B3GALT1: variants seen among roughly 807,000 people sequenced by gnomAD.
B3GALT1 encodes the protein UDP-Gal:betaGlcNAc beta 1,3-galactosyltransferase, polypeptide 1.
A neutral mutation model predicts 23.2 loss-of-function variants in B3GALT1; 10 were observed. That is an observed-to-expected ratio of 0.43 (90% CI 0.27 to 0.73). B3GALT1 has a LOEUF of 0.73. Among genes scored for constraint, B3GALT1 ranks in the 30% least tolerant of loss-of-function variants. The probability of loss-of-function intolerance (pLI) is 0.21; values close to 1 mark genes in which losing one functional copy is unlikely to be tolerated. For synonymous variants in B3GALT1, 156 were observed against 141.5 expected (o/e 1.10, Z -0.73); for missense variants, 299 against 405.4 (o/e 0.74, Z 2.25).
At chr2:167,563,906 C>T (rs1156549643) in intron 2 of B3GALT1, among the ~76,000 whole-genome samples, 13 of 68,480 alleles carry the variant, frequency 1.9e-4, no homozygotes, top group South Asian at 1.1e-3. Flanking sequence ...CGGGCGGGGC[C>T]GATCCCCCCA....
intron 1 of B3GALT1, among the ~76,000 whole-genome samples, chr2:167,392,967 G>A (rs984159671): frequency 6.6e-6 from 1 of 152,142 alleles, no homozygotes; most frequent in African/African-American, 2.4e-5. Flanking sequence ...GGGCGCAGTG[G>A]CTCACACCTG....
intron 1 of B3GALT1, among the ~76,000 whole-genome samples, chr2:167,421,119 TTGTC>T (rs1235266898): frequency 3.3e-5 from 5 of 152,328 alleles, no homozygotes; most frequent in Admixed American, 2.6e-4. Flanking sequence ...AAGATACTAA[TTGTC>T]TGGTATTTCA....
At chr2:167,737,466 C>G (rs1183618876) in intron 3 of B3GALT1, among the ~76,000 whole-genome samples, 1 of 152,202 alleles carries the variant, frequency 6.6e-6, no homozygotes, top group Non-Finnish European at 1.5e-5. Context: ...GTATTGTTTT[C>G]AGTTCTGGAT....
intron 3 of B3GALT1, among the ~76,000 whole-genome samples, chr2:167,806,576 T>G (rs4667982): frequency 7.9e-5 from 12 of 151,960 alleles, no homozygotes; most frequent in Admixed American, 6.6e-4. Flanking sequence ...TTGAGATAAT[T>G]GTAGTTTTTG....
At chr2:167,348,125 A>C (rs1697253750) in intron 1 of B3GALT1, among the ~76,000 whole-genome samples, 1 of 152,308 alleles carries the variant, frequency 6.6e-6, no homozygotes, top group South Asian at 2.1e-4. Flanking sequence ...ATAAACCCAA[A>C]TTGTGCATAG....
intron 1 of B3GALT1, among the ~76,000 whole-genome samples, chr2:167,398,028 A>G (rs533686027): frequency 2.6e-5 from 4 of 152,160 alleles, no homozygotes; most frequent in African/African-American, 4.8e-5. Flanking sequence ...GGAGCAATTA[A>G]TCTTTGTTAC....
chr2:167,773,459 A>T (rs1480072932), intron 3 of B3GALT1, among the ~76,000 whole-genome samples: 1 of 152,204 alleles, frequency 6.6e-6, no homozygotes, highest in East Asian at 1.9e-4. Flanking sequence ...TGCATAAAAG[A>T]TTCATAAAAT....
chr2:167,435,698 T>C (rs1455597512), intron 1 of B3GALT1, among the ~76,000 whole-genome samples: 2 of 152,128 alleles, frequency 1.3e-5, no homozygotes, highest in African/African-American at 2.4e-5. Context: ...AATGTTTCCA[T>C]GGGTTAAATT....
chr2:167,576,826 C>T (rs530899261), intron 2 of B3GALT1, among the ~76,000 whole-genome samples: 9 of 151,714 alleles, frequency 5.9e-5, no homozygotes, highest in African/African-American at 1.9e-4. Flanking sequence ...GAAATTAATG[C>T]GACTCTCACC....
intron 3 of B3GALT1, among the ~76,000 whole-genome samples, chr2:167,754,924 T>C (rs1687793359): frequency 6.6e-6 from 1 of 152,216 alleles, no homozygotes; most frequent in South Asian, 2.1e-4. Context: ...TAGTCAACAG[T>C]TTATCCAGAT....
chr2:167,818,485 G>A (rs1278993185), intron 3 of B3GALT1, among the ~76,000 whole-genome samples, 187 bp from the exon 4 acceptor site: 1 of 146,978 alleles, frequency 6.8e-6, no homozygotes, highest in African/African-American at 2.4e-5. Flanking sequence ...CCCTAAATGA[G>A]GTTAATTTCT....
At chr2:167,726,279 G>C (rs1687314580) in intron 3 of B3GALT1, among the ~76,000 whole-genome samples, 1 of 152,098 alleles carries the variant, frequency 6.6e-6, no homozygotes, top group South Asian at 2.1e-4. Context: ...TTCAAGCCCA[G>C]AGGCCTTACA....
At chr2:167,623,048 T>C (rs979949541) in intron 2 of B3GALT1, among the ~76,000 whole-genome samples, 1 of 151,982 alleles carries the variant, frequency 6.6e-6, no homozygotes, top group Non-Finnish European at 1.5e-5. Context: ...AAATACATAG[T>C]CATGTCAAAG....
chr2:167,324,014 C>A (rs1696852961), intron 1 of B3GALT1, among the ~76,000 whole-genome samples: 3 of 151,918 alleles, frequency 2.0e-5, no homozygotes, highest in Admixed American at 1.3e-4. Flanking sequence ...TGGAAGCAAT[C>A]CAGGCCACAG....
At chr2:167,438,985 G>A (rs1200773346) in intron 1 of B3GALT1, among the ~76,000 whole-genome samples, 1 of 152,218 alleles carries the variant, frequency 6.6e-6, no homozygotes, top group Non-Finnish European at 1.5e-5. Context: ...AATGAGAGAT[G>A]GGCTCTGCCT....
intron 2 of B3GALT1, among the ~76,000 whole-genome samples, chr2:167,491,483 C>A (rs368480486): frequency 2.5e-5 from 3 of 122,024 alleles, no homozygotes; most frequent in Admixed American, 1.7e-4. Flanking sequence ...TTTACTTTTG[C>A]TTTTTTTTTT....
chr2:167,295,768 CGTGTGTGTGT>C (rs57375833), intron 1 of B3GALT1, among the ~76,000 whole-genome samples: 112 of 143,450 alleles, frequency 7.8e-4, no homozygotes, highest in Middle Eastern at 7.0e-3. Flanking sequence ...TGTGTGTGTA[CGTGTGTGTGT>C]GTGTGTGTGT....
intron 4 of B3GALT1, among the ~76,000 whole-genome samples, chr2:167,852,470 GT>G (rs1689921547): frequency 1.3e-3 from 20 of 15,756 alleles, no homozygotes; most frequent in Admixed American, 4.3e-3. Flanking sequence ...TCGTGATGGT[GT>G]GTGTGTGTGT....
chr2:167,481,574 CATG>C (rs1699563945), intron 1 of B3GALT1, among the ~76,000 whole-genome samples: 2 of 152,204 alleles, frequency 1.3e-5, no homozygotes, highest in African/African-American at 4.8e-5. Context: ...TAGCTATAAA[CATG>C]ATTCATTTAT....
Sources: allele counts gnomAD v4.1 joint callset (sites outside exome capture counted in the v4.1 genomes callset), GRCh38; gene constraint gnomAD v4.1.1; transcripts MANE v1.5; gene names NCBI Gene and HGNC (gene_info 2026-07-23, HGNC 2026-07-21).